HDAC9: variants seen among roughly 807,000 people sequenced by gnomAD.
HDAC9 encodes MEF-2 interacting transcription repressor (MITR) protein.
In HDAC9, 41 loss-of-function variants were observed where a neutral mutation model predicts 139.4. The observed-to-expected ratio is 0.29, with a 90% CI of 0.23 to 0.38. The LOEUF (loss-of-function observed/expected upper bound fraction) is 0.38. Among genes scored for constraint, HDAC9 ranks in the 10% least tolerant of loss-of-function variants. The probability of loss-of-function intolerance (pLI) is 1.00; values close to 1 mark genes in which losing one functional copy is unlikely to be tolerated. For missense variants in HDAC9, 1,147 were observed against 1,297.0 expected (o/e 0.88, Z 1.78); for synonymous variants, 517 against 476.2 (o/e 1.09, Z -1.12).
At chr7:18,763,599 T>C (rs1456019143) in intron 15 of HDAC9, among the ~76,000 whole-genome samples, 1 of 152,176 alleles carries the variant, frequency 6.6e-6, no homozygotes, top group Non-Finnish European at 1.5e-5. Context: ...GCAGATACTT[T>C]ACATAAAATA....
chr7:18,824,810 A>C (rs1795288261), intron 17 of HDAC9, among the ~76,000 whole-genome samples: 1 of 152,192 alleles, frequency 6.6e-6, no homozygotes, highest in African/African-American at 2.4e-5. Flanking sequence ...CACTGTGTGG[A>C]TGTAAGAATA....
At chr7:18,105,660 A>G (rs896558642) in intron 1 of HDAC9, among the ~76,000 whole-genome samples, 3 of 151,556 alleles carry the variant, frequency 2.0e-5, no homozygotes, top group African/African-American at 4.9e-5. Flanking sequence ...CAAAATGGGC[A>G]CAGCCACTTC....
chr7:18,943,173 A>G (rs1421233197), intron 23 of HDAC9, among the ~76,000 whole-genome samples: 1 of 152,066 alleles, frequency 6.6e-6, no homozygotes, highest in African/African-American at 2.4e-5. Flanking sequence ...GACTACAGAC[A>G]TTATGTTGGA....
At chr7:18,225,167 C>A (rs1216007217) in intron 2 of HDAC9, among the ~76,000 whole-genome samples, 1 of 152,190 alleles carries the variant, frequency 6.6e-6, no homozygotes. Context: ...TACTACCTGA[C>A]TGAAAGTGGA....
intron 1 of HDAC9, among the ~76,000 whole-genome samples, chr7:18,329,567 A>G (rs1244249776): frequency 6.6e-6 from 1 of 151,708 alleles, no homozygotes; most frequent in Non-Finnish European, 1.5e-5. Context: ...AAAAAAAAAA[A>G]AACAGTGAAT....
At chr7:18,357,552 A>G (rs1297233670) in intron 1 of HDAC9, among the ~76,000 whole-genome samples, 1 of 152,170 alleles carries the variant, frequency 6.6e-6, no homozygotes, top group Non-Finnish European at 1.5e-5. Flanking sequence ...AAAACAGTAT[A>G]TAAACAAAAA....
intron 1 of HDAC9, among the ~76,000 whole-genome samples, chr7:18,385,559 A>T (rs973957351): frequency 6.6e-6 from 1 of 152,174 alleles, no homozygotes; most frequent in Non-Finnish European, 1.5e-5. Context: ...TTCTGTTGAC[A>T]GGAGAGTATT....
chr7:18,288,132 A>G (rs534016632), upstream of HDAC9, among the ~76,000 whole-genome samples: 9 of 152,376 alleles, frequency 5.9e-5, no homozygotes, highest in Middle Eastern at 3.4e-3. Context: ...GCTGACAACA[A>G]GGTGGCTCAT....
chr7:18,632,267 T>A (rs907762435), intron 7 of HDAC9, among the ~76,000 whole-genome samples: 1 of 152,044 alleles, frequency 6.6e-6, no homozygotes, highest in Non-Finnish European at 1.5e-5. Flanking sequence ...GCAAAATGTG[T>A]TTAAGTATTT....
At chr7:18,689,442 G>A (rs1013830902) in intron 12 of HDAC9, among the ~76,000 whole-genome samples, 2 of 151,954 alleles carry the variant, frequency 1.3e-5, no homozygotes, top group African/African-American at 4.8e-5. Context: ...TGAGAGGAAT[G>A]ATTTAAAGGC....
intron 1 of HDAC9, chr7:18,290,606 T>C (rs1797742704): frequency 2.2e-6 from 1 of 454,564 alleles, no homozygotes; most frequent in African/African-American, 2.0e-5. Context: ...TCGTCTTTAA[T>C]AACTTGTAGG....
At chr7:18,698,444 C>G (rs961156178) in intron 12 of HDAC9, among the ~76,000 whole-genome samples, 1 of 152,136 alleles carries the variant, frequency 6.6e-6, no homozygotes, top group African/African-American at 2.4e-5. Context: ...ACAAATAGCC[C>G]TGGGGAGCTT....
At chr7:18,416,032 G>A (rs753617769) in intron 1 of HDAC9, among the ~76,000 whole-genome samples, 65 of 152,150 alleles carry the variant, frequency 4.3e-4, no homozygotes, top group Non-Finnish European at 8.1e-4. Context: ...AGTGACTCAC[G>A]CCTGTAATCC....
intron 6 of HDAC9, among the ~76,000 whole-genome samples, chr7:18,607,156 TG>T (rs1347557712): frequency 6.6e-6 from 1 of 152,206 alleles, no homozygotes; most frequent in African/African-American, 2.4e-5. Flanking sequence ...AGTGAGAAGC[TG>T]GTTTCATTGA....
chr7:18,894,547 A>T (rs1005089727), intron 22 of HDAC9, among the ~76,000 whole-genome samples: 2 of 152,118 alleles, frequency 1.3e-5, no homozygotes, highest in Non-Finnish European at 2.9e-5. Flanking sequence ...GAGTTTGATG[A>T]GTTAAAAGCC....
chr7:18,583,598 G>T (rs1373789429), intron 2 of HDAC9, among the ~76,000 whole-genome samples: 2 of 150,054 alleles, frequency 1.3e-5, no homozygotes, highest in South Asian at 2.1e-4. Context: ...AAAAAAGAAA[G>T]AAAAATTTAG....
At chr7:18,111,610 C>T (rs1488828552) in intron 1 of HDAC9, among the ~76,000 whole-genome samples, 1 of 152,148 alleles carries the variant, frequency 6.6e-6, no homozygotes, top group Admixed American at 6.5e-5. Flanking sequence ...ATACCTAATT[C>T]AGTATAAATG....
chr7:18,799,837 A>C (rs1793142183), intron 17 of HDAC9, among the ~76,000 whole-genome samples: 1 of 152,210 alleles, frequency 6.6e-6, no homozygotes, highest in East Asian at 1.9e-4. Flanking sequence ...GAGAAAGGGG[A>C]AGAAAGAATA....
In HDAC9 at chr7:18,273,430, C is replaced by T. The variant is rs1204945428; in HGVS notation, c.25+111081C>T. ...AGCAAAATAGACCAGACTGGAGAGC[C>T]AGAAAGGACTAATTTACACATAATA... On this transcript the variant is annotated intron_variant, in intron 2 of 12. Coordinates refer to the HDAC9 transcript ENST00000417496. 2.0e-5 allele frequency among the ~76,000 whole-genome samples: 3 copies of T among 151,978 alleles called. No homozygotes were observed. In the South Asian group the frequency reaches 6.2e-4, roughly 32 times the overall value.
Sources: allele counts gnomAD v4.1 joint callset (sites outside exome capture counted in the v4.1 genomes callset), GRCh38; gene constraint gnomAD v4.1.1; transcripts MANE v1.5; gene names NCBI Gene and HGNC (gene_info 2026-07-23, HGNC 2026-07-21).